Variants in PCDHA3 observed in about 807,000 individuals in gnomAD.
The protein encoded by PCDHA3 is protocadherin alpha 3.
A neutral mutation model predicts 62.2 loss-of-function variants in PCDHA3; 41 were observed. The ratio of observed to expected loss-of-function variants is 0.66; its 90% CI spans 0.51 to 0.86. The LOEUF is 0.86. Among genes scored for constraint, PCDHA3 ranks in the 40% least tolerant of loss-of-function variants. The pLI, the probability that PCDHA3 is intolerant of heterozygous loss-of-function variation, is 0.00. For missense variants in PCDHA3, 1,304 were observed against 1,241.2 expected (o/e 1.05, Z -0.76); for synonymous variants, 640 against 555.4 (o/e 1.15, Z -2.14).
chr5:140,822,267 T>A, intron 1 of PCDHA3: 1 of 1,614,250 alleles, frequency 6.2e-7, no homozygotes, highest in Non-Finnish European at 8.5e-7. Flanking sequence ...TTGGAGCAAA[T>A]GCACAATTGA....
chr5:140,876,875 A>G, intron 1 of PCDHA3: 1 of 1,613,762 alleles, frequency 6.2e-7, no homozygotes, highest in Admixed American at 1.7e-5. Flanking sequence ...AAGGAGAACA[A>G]CCCGCCGGGC....
intron 1 of PCDHA3, among the ~76,000 whole-genome samples, chr5:140,840,275 G>C (rs1776636892): frequency 6.6e-6 from 1 of 151,944 alleles, no homozygotes; most frequent in Non-Finnish European, 1.5e-5. Flanking sequence ...AATGATTTGG[G>C]TTTTGGGTGA....
chr5:141,009,627 A>G lies in PCDHA3; in HGVS notation c.2543A>G (p.Glu848Gly), dbSNP rs782179145. 6.2e-7 allele frequency: 1 copy of G among 1,612,842 alleles called. No individual in the cohort carries two copies. The highest frequency in any genetic ancestry group is 1.1e-5 in the South Asian group (1 of 90,980). The change falls in exon 4 of 4, where the codon GAA becomes GGA. Residue 848 changes from glutamate (E) to glycine (G), a missense_variant and splice_region_variant. By Grantham distance (98) the Glu-to-Gly change is moderately conservative (BLOSUM62 -2). Coordinates refer to ENST00000522353, the MANE Select transcript of PCDHA3 (RefSeq NM_018906.3). Reference protein sequence around the residue: ...QWPTVSSATPEPEAGEVSPPV... With the variant: ...QWPTVSSATPGPEAGEVSPPV... ...TGATTTGTAATGTTTTGTCTTTCAGAACCAGAGGCAGGAGAAGTGTCCCCT... is the reference window on the plus strand; with the variant it reads ...TGATTTGTAATGTTTTGTCTTTCAGGACCAGAGGCAGGAGAAGTGTCCCCT...
intron 1 of PCDHA3, chr5:140,854,285 T>C (rs888416864): frequency 1.9e-6 from 1 of 521,658 alleles, no homozygotes; most frequent in Admixed American, 6.5e-5. Flanking sequence ...GAGTTTAGTT[T>C]TTATTATTTT....
At chr5:140,850,305 A>T in intron 1 of PCDHA3, 1 of 1,596,974 alleles carries the variant, frequency 6.3e-7, no homozygotes, top group African/African-American at 1.3e-5. Flanking sequence ...CTCGGGCTAC[A>T]ACGCGTGGCT....
chr5:141,000,383 CTCTCTCTCTCTCTA>C (rs1438422699), intron 3 of PCDHA3, among the ~76,000 whole-genome samples: 4 of 63,178 alleles, frequency 6.3e-5, no homozygotes, highest in African/African-American at 2.9e-4. Context: ...CTCTCTCTCT[CTCTCTCTCTCTCTA>C]TATATATATA....
At chr5:140,807,030 A>T in intron 1 of PCDHA3, 1 of 890,846 alleles carries the variant, frequency 1.1e-6, no homozygotes, top group Non-Finnish European at 1.7e-6. Context: ...AGAAGGAGGA[A>T]GAAGGGAAAA....
chr5:140,808,988 T>TC (rs782041192), intron 1 of PCDHA3: 2 of 1,613,646 alleles, frequency 1.2e-6, no homozygotes, highest in Admixed American at 1.7e-5. Context: ...GGATGCTGAC[T>TC]CGGGCTACAA....
Position 140,896,173 on chromosome 5 carries a change from TTGCTATTGTGAATAG to T in PCDHA3, c.2395-82772_2395-82758del, listed in dbSNP as rs1554186855. On this transcript the variant is annotated intron_variant, in intron 1 of 3. Transcript: ENST00000522353. ...GGGCATTTAGGATTATTCTCTGTCT[TTGCTATTGTGAATAG>T]TGCCATGATGAACATACACATACAT... 2.6e-4 allele frequency among the ~76,000 whole-genome samples: 40 copies of T among 152,340 alleles called. 1 individual carries two copies. The East Asian group carries it at 5.2e-3, about 20-fold the overall frequency.
At chr5:140,889,479 T>C (rs1399086830) in intron 1 of PCDHA3, among the ~76,000 whole-genome samples, 1 of 152,184 alleles carries the variant, frequency 6.6e-6, no homozygotes, top group Admixed American at 6.5e-5. Context: ...GCTCATACTT[T>C]CTACAGAATC....
intron 1 of PCDHA3, among the ~76,000 whole-genome samples, chr5:140,936,024 C>T (rs536876826): frequency 1.4e-4 from 22 of 151,890 alleles, no homozygotes; most frequent in African/African-American, 4.6e-4. Flanking sequence ...TCCCGAGTAG[C>T]GGGGATTACA....
At chr5:140,893,898 C>T (rs2064223960) in intron 1 of PCDHA3, among the ~76,000 whole-genome samples, 9 of 152,114 alleles carry the variant, frequency 5.9e-5, no homozygotes, top group Admixed American at 5.2e-4. Flanking sequence ...GTTACTTTAC[C>T]TTCTGAATTT....
intron 1 of PCDHA3, among the ~76,000 whole-genome samples, chr5:140,923,142 TA>T (rs1262526439): frequency 5.3e-5 from 8 of 152,122 alleles, no homozygotes; most frequent in East Asian, 3.9e-4. Context: ...AGGTGGAATA[TA>T]AAAAAAATTA....
intron 1 of PCDHA3, chr5:140,967,826 G>A (rs782046643): frequency 1.2e-6 from 2 of 1,614,168 alleles, no homozygotes; most frequent in East Asian, 4.5e-5. Context: ...GGTGCTGGTG[G>A]ACATCGTGGA....
At chr5:140,820,840 C>T (rs1421373475) in intron 1 of PCDHA3, among the ~76,000 whole-genome samples, 2 of 151,766 alleles carry the variant, frequency 1.3e-5, no homozygotes, top group African/African-American at 4.8e-5. Flanking sequence ...GTAATAGCAA[C>T]TTGAAGAAAT....
chr5:140,828,424 C>T (rs138737999), intron 1 of PCDHA3: 4 of 1,614,132 alleles, frequency 2.5e-6, no homozygotes, highest in Non-Finnish European at 3.4e-6. Context: ...TGATCGTGGA[C>T]AGGCCGCTGC....
At chr5:140,820,227 A>T (rs1766717678) in intron 1 of PCDHA3, among the ~76,000 whole-genome samples, 1 of 152,006 alleles carries the variant, frequency 6.6e-6, no homozygotes, top group Admixed American at 6.5e-5. Context: ...AAAAGTCATG[A>T]TAATAGAGAT....
At chr5:140,943,789 T>C (rs2093567416) in intron 1 of PCDHA3, among the ~76,000 whole-genome samples, 1 of 152,228 alleles carries the variant, frequency 6.6e-6, no homozygotes, top group African/African-American at 2.4e-5. Flanking sequence ...TGGTCCTTTA[T>C]GCAAAGCAAA....
intron 1 of PCDHA3, chr5:140,808,456 G>A (rs375470813): frequency 1.2e-6 from 2 of 1,614,106 alleles, no homozygotes; most frequent in Admixed American, 1.7e-5. Flanking sequence ...CCTATGAGCT[G>A]GTGGTGACCG....
Sources: gnomAD v4.1 joint callset for allele counts (sites outside exome capture counted in the v4.1 genomes callset) on GRCh38, gnomAD v4.1.1 for gene constraint, MANE v1.5 for transcripts, NCBI Gene and HGNC (gene_info 2026-07-23, HGNC 2026-07-21) for gene names.